Variants in SGCE observed in about 807,000 individuals in gnomAD.
SGCE encodes the protein sarcoglycan epsilon.
Under a neutral mutation model 57.8 loss-of-function variants are expected in SGCE, and 26 were observed. That is an observed-to-expected ratio of 0.45 (90% CI 0.33 to 0.62). The LOEUF (loss-of-function observed/expected upper bound fraction) is 0.62, where lower values mean the gene tolerates loss of function less well. Ranked by LOEUF, SGCE falls within the 20% of genes least tolerant of loss-of-function variation. The pLI, the probability that SGCE is intolerant of heterozygous loss-of-function variation, is 0.02. For missense variants in SGCE, 468 were observed against 548.6 expected, an observed-to-expected ratio of 0.85 and a Z score of 1.47; for synonymous variants, 183 against 189.5, an observed-to-expected ratio of 0.97 and a Z score of 0.28.
At position 94,602,237 on chromosome 7, in the gene SGCE, T is replaced by A. The variant is rs181151072; in HGVS notation, c.825+1053A>T. On this transcript the variant is annotated intron_variant, in intron 6 of 10. Coordinates refer to ENST00000648936, the MANE Select transcript of SGCE (RefSeq NM_003919.3). Reference sequence around the variant, plus strand: ...AGCACCATGATTGAACAAATTTTCCTATAATAATTGAGCAAATTTGCCTAT... The same window carrying A: ...AGCACCATGATTGAACAAATTTTCCAATAATAATTGAGCAAATTTGCCTAT... Among the ~76,000 whole-genome samples, 5 of 152,228 alleles carry A rather than the reference T, an allele frequency of 3.3e-5. No individual in the cohort carries two copies. The East Asian group carries it at 7.7e-4, about 23-fold the overall frequency.
At chr7:94,636,715 T>C (rs1015306137) in intron 1 of SGCE, among the ~76,000 whole-genome samples, 1 of 152,174 alleles carries the variant, frequency 6.6e-6, no homozygotes, top group Non-Finnish European at 1.5e-5. Context: ...GGCATTCAAA[T>C]TCCTTAGAAT....
chr7:94,618,920 T>G lies in SGCE; in HGVS notation c.500A>C (p.Lys167Thr), dbSNP rs779127500. ...CAACATTTCTTCTACATTCATATTC[T>G]TAATGAAGAATTCTGCTTGATATGG... ...PLPYQAEFFI[K>T]NMNVEEMLAS... The change falls in exon 5 of 11, where the codon AAG becomes ACG. Residue 167 changes from lysine to threonine, a missense_variant. Coordinates refer to ENST00000648936, the MANE Select transcript of SGCE (RefSeq NM_003919.3). 5 of 1,613,962 alleles carry G rather than the reference T, an allele frequency of 3.1e-6. No homozygotes were observed. Among genetic ancestry groups the G allele is most frequent in the Non-Finnish European group, 4.2e-6 (5 of 1,179,868 alleles).
At chr7:94,648,406 T>G (rs1807420071) in intron 1 of SGCE, among the ~76,000 whole-genome samples, 1 of 131,996 alleles carries the variant, frequency 7.6e-6, no homozygotes, top group Admixed American at 7.8e-5. Flanking sequence ...AAAGAATTAC[T>G]AATTAGTAAA....
At chr7:94,636,270 A>G (rs1381328459) in intron 1 of SGCE, among the ~76,000 whole-genome samples, 1 of 152,222 alleles carries the variant, frequency 6.6e-6, no homozygotes, top group African/African-American at 2.4e-5. Flanking sequence ...ATAGCATGCT[A>G]CATTGAAAAG....
At chr7:94,592,145 T>C (rs762178992) in intron 9 of SGCE, among the ~76,000 whole-genome samples, 2 of 152,232 alleles carry the variant, frequency 1.3e-5, no homozygotes, top group Non-Finnish European at 2.9e-5. Flanking sequence ...AACTTGTAAC[T>C]AAATGTGAAC....
intron 9 of SGCE, chr7:94,594,528 T>C (rs1798123485): frequency 6.6e-6 from 1 of 152,048 alleles, no homozygotes; most frequent in African/African-American, 2.4e-5. Context: ...ATAGTGATTA[T>C]TGTGTCCTAG....
At chr7:94,609,247 C>T (rs1188767487) in intron 5 of SGCE, among the ~76,000 whole-genome samples, 2 of 152,244 alleles carry the variant, frequency 1.3e-5, no homozygotes, top group South Asian at 4.1e-4. Flanking sequence ...GGGCCAGAGG[C>T]CAGATGCAGT....
Position 94,600,880 on chromosome 7 carries a change from C to T in SGCE, c.826-23G>A, listed in dbSNP as rs770150906. On this transcript the variant is annotated intron_variant, in intron 6 of 10. Transcript: ENST00000648936. Reference sequence around the variant, plus strand: ...AACCTGATATAAAAGAAGACAATTACACAACAAATTAATCGTTGCAAACAT... The same window carrying T: ...AACCTGATATAAAAGAAGACAATTATACAACAAATTAATCGTTGCAAACAT... The T allele has an allele frequency of 3.1e-5, 49 of 1,558,118 alleles. 2 individuals carry two copies. The South Asian group carries it at 4.9e-4, about 15-fold the overall frequency.
intron 10 of SGCE, among the ~76,000 whole-genome samples, chr7:94,586,192 A>C (rs1376167154): frequency 2.0e-5 from 3 of 152,014 alleles, no homozygotes; most frequent in Non-Finnish European, 4.4e-5. Context: ...AATTACCTTC[A>C]TAAAGAAAAC....
intron 3 of SGCE, 44 bp from the exon 4 acceptor site, chr7:94,623,441 T>C: frequency 2.4e-6 from 3 of 1,229,594 alleles, no homozygotes; most frequent in Non-Finnish European, 3.6e-6. Flanking sequence ...AAATGTTCTT[T>C]GTAAAATGAA....
Position 94,601,934 on chromosome 7 carries a change from T to C in SGCE, c.826-1077A>G, listed in dbSNP as rs140607609. On this transcript the variant is annotated intron_variant, in intron 6 of 10. Transcript: ENST00000648936. ...TCTTATTTAACCTTCTGAAATCTTT[T>C]GTGGCAAGATGTGGCATAAAAATAA... 3.4e-3 allele frequency among the ~76,000 whole-genome samples: 513 copies of C among 152,182 alleles called. 2 individuals carry two copies. The highest frequency in any genetic ancestry group is 0.012 in the African/African-American group (491 of 41,538).
chr7:94,632,467 C>T (rs916124500), intron 1 of SGCE, among the ~76,000 whole-genome samples: 1 of 152,116 alleles, frequency 6.6e-6, no homozygotes, highest in Non-Finnish European at 1.5e-5. Flanking sequence ...TGCCTTTCAG[C>T]AATCTGCTGA....
intron 9 of SGCE, among the ~76,000 whole-genome samples, chr7:94,591,787 G>A (rs944579967): frequency 1.3e-5 from 2 of 152,162 alleles, no homozygotes; most frequent in African/African-American, 4.8e-5. Context: ...GCTGGGCTAG[G>A]TGAAAAGACA....
At chr7:94,602,851 A>G (rs556336541) in intron 6 of SGCE, among the ~76,000 whole-genome samples, 2 of 152,316 alleles carry the variant, frequency 1.3e-5, no homozygotes, top group East Asian at 1.9e-4. Context: ...GACTTTCCCT[A>G]TAATTTGAGT....
chr7:94,618,161 A>G (rs190576220), intron 5 of SGCE: 1 of 152,506 alleles, frequency 6.6e-6, no homozygotes, highest in African/African-American at 2.4e-5. Flanking sequence ...TTTCAAATGC[A>G]TTATCTCACT....
intron 1 of SGCE, among the ~76,000 whole-genome samples, chr7:94,643,869 C>T (rs34140372): frequency 0.13 from 19,481 of 152,026 alleles, 1,507 homozygotes; most frequent in South Asian, 0.25. Context: ...TTCTCTAGGA[C>T]GGAAAAATAT....
chr7:94,635,541 T>C (rs77413148), intron 1 of SGCE, among the ~76,000 whole-genome samples: 3,491 of 152,344 alleles, frequency 0.023, 61 homozygotes, highest in Non-Finnish European at 0.036. Flanking sequence ...AGAGTCCCTG[T>C]ATACATAGGA....
At position 94,600,797 on chromosome 7, in the gene SGCE, G is replaced by T; in HGVS notation, c.886C>A (p.Pro296Thr). 1 of 1,613,320 alleles carries T rather than the reference G, an allele frequency of 6.2e-7. No individual in the cohort carries two copies. Among genetic ancestry groups the T allele is most frequent in the Non-Finnish European group, 8.5e-7 (1 of 1,179,742 alleles). Residue 296 changes from proline to threonine, a missense_variant, in exon 7 of 11, where the codon CCT becomes ACT. Pro to Thr is a conservative substitution (Grantham distance 38). Coordinates refer to ENST00000648936, the MANE Select transcript of SGCE (RefSeq NM_003919.3). ...QEVIRGEGIL[P>T]DGGEYKPPSD... Reference sequence around the variant, plus strand: ...GGGGGTTTGTATTCTCCACCATCAGGTAAAATCCCCTCTCCACGAATCACT... The same window carrying T: ...GGGGGTTTGTATTCTCCACCATCAGTTAAAATCCCCTCTCCACGAATCACT...
chr7:94,652,517 G>A (rs979766281), intron 1 of SGCE, among the ~76,000 whole-genome samples: 4 of 152,124 alleles, frequency 2.6e-5, no homozygotes, highest in Admixed American at 2.6e-4. Flanking sequence ...ATTTTCACCA[G>A]TGGAAAACTA....
Sources: allele counts gnomAD v4.1 joint callset (sites outside exome capture counted in the v4.1 genomes callset), GRCh38; gene constraint gnomAD v4.1.1; transcripts MANE v1.5; gene names NCBI Gene and HGNC (gene_info 2026-07-23, HGNC 2026-07-21).